Variants in AZIN2 observed in about 807,000 individuals in gnomAD.
AZIN2 encodes the protein ODC antizyme inhibitor-2.
Under a neutral mutation model 47.8 loss-of-function variants are expected in AZIN2, and 28 were observed. The ratio of observed to expected loss-of-function variants is 0.59; its 90% CI spans 0.43 to 0.80. The LOEUF is 0.80. Among genes scored for constraint, AZIN2 ranks in the 30% least tolerant of loss-of-function variants. The pLI, the probability that AZIN2 is intolerant of heterozygous loss-of-function variation, is 0.00. For missense variants in AZIN2, 535 were observed against 582.5 expected (o/e 0.92, Z 0.84); for synonymous variants, 221 against 239.4 (o/e 0.92, Z 0.71).
intron 10 of AZIN2, among the ~76,000 whole-genome samples, chr1:33,101,318 C>T (rs1418353250): frequency 6.6e-6 from 1 of 152,182 alleles, no homozygotes; most frequent in Non-Finnish European, 1.5e-5. Context: ...GGATTACAGG[C>T]ATGAACCACT....
chr1:33,161,821 C>T, the AZIN2 span, among the ~76,000 whole-genome samples: 1 of 152,180 alleles, frequency 6.6e-6, no homozygotes, highest in Non-Finnish European at 1.5e-5. This position sits in a 1 kb window ranked among gnomAD's most constrained non-coding sequence, Gnocchi z 4.3. Context: ...GCCACCCTCT[C>T]CTAGTTGAAA....
intron 10 of AZIN2, among the ~76,000 whole-genome samples, chr1:33,104,791 G>T (rs755026975): frequency 6.6e-6 from 1 of 152,042 alleles, no homozygotes; most frequent in African/African-American, 2.4e-5. Flanking sequence ...CTCCACCTCC[G>T]AGGCTCAAGC....
chr1:33,162,004 G>A, the AZIN2 span, among the ~76,000 whole-genome samples: 1 of 152,194 alleles, frequency 6.6e-6, no homozygotes, highest in Admixed American at 6.5e-5. Flanking sequence ...CCTGTCTCCT[G>A]AGTGCCACAC....
chr1:33,088,295 T>C (rs868732068), intron 5 of AZIN2, among the ~76,000 whole-genome samples: 15 of 152,116 alleles, frequency 9.9e-5, no homozygotes, highest in South Asian at 4.1e-4. Flanking sequence ...GGGAGTTCCC[T>C]CTGACGTCCT....
chr1:33,152,489 T>C, the AZIN2 span, among the ~76,000 whole-genome samples: 1 of 150,996 alleles, frequency 6.6e-6, no homozygotes, highest in South Asian at 2.1e-4. Flanking sequence ...ATCGCTTGAA[T>C]CTGGGAGGCG....
the AZIN2 span, among the ~76,000 whole-genome samples, chr1:33,155,235 C>T: frequency 6.6e-6 from 1 of 151,664 alleles, no homozygotes; most frequent in East Asian, 2.0e-4. Context: ...CCATGCCTGG[C>T]TAATTTTTGT....
chr1:33,134,969 T>C, the AZIN2 span, among the ~76,000 whole-genome samples: 1 of 152,162 alleles, frequency 6.6e-6, no homozygotes, highest in African/African-American at 2.4e-5. Flanking sequence ...CACATAAATA[T>C]GACCACCCTC....
the AZIN2 span, chr1:33,147,158 T>G: frequency 6.2e-7 from 1 of 1,608,294 alleles, no homozygotes; most frequent in African/African-American, 1.3e-5. The surrounding 1 kb of genome is among the most constrained non-coding windows in gnomAD (Gnocchi z 8.1). Context: ...CAGGAGGTTG[T>G]GGTCTCCTTC....
chr1:33,141,264 C>G, the AZIN2 span, among the ~76,000 whole-genome samples: 1 of 152,040 alleles, frequency 6.6e-6, no homozygotes, highest in African/African-American at 2.4e-5. Flanking sequence ...CTCCTCTGAG[C>G]ACCTCCCTCC....
chr1:33,088,889 A>C (rs928767363), intron 5 of AZIN2, among the ~76,000 whole-genome samples: 4 of 152,144 alleles, frequency 2.6e-5, no homozygotes, highest in African/African-American at 9.7e-5. Flanking sequence ...AACCACTTGT[A>C]ATTCCATCAT....
the AZIN2 span, among the ~76,000 whole-genome samples, chr1:33,129,245 A>G: frequency 1.3e-5 from 2 of 152,210 alleles, no homozygotes; most frequent in African/African-American, 4.8e-5. The surrounding 1 kb of genome is among the most constrained non-coding windows in gnomAD (Gnocchi z 4.1). Flanking sequence ...TAAAGAAACC[A>G]AAGTTAAAGT....
chr1:33,106,164 C>T (rs79527980), intron 10 of AZIN2, among the ~76,000 whole-genome samples: 4,022 of 152,130 alleles, frequency 0.026, 187 homozygotes, highest in African/African-American at 0.091. Context: ...AATTGGATAA[C>T]CTAGGCAAAA....
At position 33,091,508 on chromosome 1, in the gene AZIN2, G is replaced by A. The variant is rs1642547751; in HGVS notation, c.280-542G>A. On this transcript the variant is annotated intron_variant, in intron 5 of 11. Transcript: ENST00000294517. ...GCCCACCTCAGCCTCCCAAAGTGTT[G>A]GGGTTACAGGCGTGAGCCACTGCGC... 2.0e-5 allele frequency among the ~76,000 whole-genome samples: 3 copies of A among 151,868 alleles called. No individual in the cohort carries two copies. The South Asian group carries it at 6.2e-4, about 32-fold the overall frequency.
the AZIN2 span, among the ~76,000 whole-genome samples, chr1:33,159,246 C>A: frequency 6.6e-6 from 1 of 151,508 alleles, no homozygotes; most frequent in Non-Finnish European, 1.5e-5. This position sits in a 1 kb window ranked among gnomAD's most constrained non-coding sequence, Gnocchi z 4.2. Context: ...TATAGTAACA[C>A]GTAATGCCAA....
chr1:33,130,745 A>G, the AZIN2 span, among the ~76,000 whole-genome samples: 1 of 152,240 alleles, frequency 6.6e-6, no homozygotes, highest in Non-Finnish European at 1.5e-5. Flanking sequence ...GCAATAGATA[A>G]CTAATACAGA....
At chr1:33,134,153 G>A in the AZIN2 span, among the ~76,000 whole-genome samples, 3 of 152,200 alleles carry the variant, frequency 2.0e-5, no homozygotes, top group Admixed American at 2.0e-4. Context: ...CAGGCATGTG[G>A]CCCAGCCCCG....
intron 10 of AZIN2, among the ~76,000 whole-genome samples, chr1:33,107,677 C>T (rs1067145): frequency 0.042 from 6,375 of 152,208 alleles, 357 homozygotes; most frequent in African/African-American, 0.12. Context: ...ACAAAGTTAA[C>T]ATACAATGTT....
the AZIN2 span, among the ~76,000 whole-genome samples, chr1:33,133,008 G>A: frequency 6.6e-6 from 1 of 152,382 alleles, no homozygotes; most frequent in Non-Finnish European, 1.5e-5. Context: ...GTGAAACCAG[G>A]AGTGCACTCC....
In AZIN2 at chr1:33,082,372, G is replaced by T; in HGVS notation, c.105+18G>T. On this transcript the variant is annotated intron_variant, in intron 4 of 11. Transcript: ENST00000294517. ...CCACCACGGTGAGGGGCTGGGAATG[G>T]GGGTGGGTCCCCGGTCCCCTGTACA... 6.2e-7 allele frequency: 1 copy of T among 1,603,916 alleles called. No individual in the cohort carries two copies. Among genetic ancestry groups the T allele is most frequent in the Non-Finnish European group, 8.5e-7 (1 of 1,172,938 alleles).
Sources: allele counts gnomAD v4.1 joint callset (sites outside exome capture counted in the v4.1 genomes callset), GRCh38; gene constraint gnomAD v4.1.1; non-coding constraint Gnocchi (gnomAD v3.1); transcripts MANE v1.5; gene names NCBI Gene and HGNC (gene_info 2026-07-23, HGNC 2026-07-21).